CDH18: variants seen among roughly 807,000 people sequenced by gnomAD.
CDH18 encodes the protein cadherin-18.
In CDH18, 31 loss-of-function variants were observed where a neutral mutation model predicts 67.9. That is an observed-to-expected ratio of 0.46 (90% CI 0.34 to 0.62). The LOEUF is 0.62. CDH18 is among the 20% of genes least tolerant of loss of function. The probability of loss-of-function intolerance (pLI) is 0.01; values close to 1 mark genes in which losing one functional copy is unlikely to be tolerated. For missense variants in CDH18, 890 were observed against 975.5 expected, an observed-to-expected ratio of 0.91 and a Z score of 1.17; for synonymous variants, 362 against 347.2, an observed-to-expected ratio of 1.04 and a Z score of -0.48.
At chr5:19,970,395 AAG>A (rs1467816522) in intron 2 of CDH18, among the ~76,000 whole-genome samples, 35 of 151,728 alleles carry the variant, frequency 2.3e-4, no homozygotes, top group African/African-American at 8.2e-4. Context: ...ATTTAGCAAT[AAG>A]AGAGGATATC....
At chr5:20,150,565 C>T (rs2126565670) in intron 2 of CDH18, among the ~76,000 whole-genome samples, 1 of 152,158 alleles carries the variant, frequency 6.6e-6, no homozygotes, top group East Asian at 1.9e-4. Flanking sequence ...TTAGACACGT[C>T]TAGCATAGTT....
At chr5:20,486,279 G>A (rs1229588026) in intron 1 of CDH18, among the ~76,000 whole-genome samples, 1 of 152,066 alleles carries the variant, frequency 6.6e-6, no homozygotes, top group Non-Finnish European at 1.5e-5. Context: ...AAGGAACATG[G>A]TATATTGCAA....
chr5:19,902,935 C>T (rs1790099580), intron 2 of CDH18, among the ~76,000 whole-genome samples: 1 of 152,112 alleles, frequency 6.6e-6, no homozygotes, highest in Non-Finnish European at 1.5e-5. Flanking sequence ...CCATAAGTGA[C>T]ATATAGAGTC....
chr5:19,771,858 G>T (rs1773771430), intron 3 of CDH18, among the ~76,000 whole-genome samples: 1 of 152,050 alleles, frequency 6.6e-6, no homozygotes, highest in Middle Eastern at 3.2e-3. Context: ...CCAATTAACT[G>T]CAATATATTC....
chr5:20,401,994 C>T (rs1016246770), intron 1 of CDH18, among the ~76,000 whole-genome samples: 3 of 152,004 alleles, frequency 2.0e-5, no homozygotes, highest in African/African-American at 7.3e-5. Flanking sequence ...CTTACTTTCC[C>T]ATCTTCATCT....
chr5:19,815,173 G>A (rs1419567485), intron 3 of CDH18, among the ~76,000 whole-genome samples: 2 of 151,902 alleles, frequency 1.3e-5, no homozygotes, highest in African/African-American at 4.8e-5. Flanking sequence ...GTTTGTTGGA[G>A]GACTGTATCT....
intron 3 of CDH18, among the ~76,000 whole-genome samples, chr5:19,803,132 A>G (rs1203627099): frequency 2.0e-5 from 3 of 152,250 alleles, no homozygotes; most frequent in African/African-American, 7.2e-5. Flanking sequence ...CAAATACTCC[A>G]CAAACTCGCA....
intron 2 of CDH18, among the ~76,000 whole-genome samples, chr5:20,134,971 C>T (rs1749576165): frequency 6.6e-6 from 1 of 152,096 alleles, no homozygotes; most frequent in African/African-American, 2.4e-5. Flanking sequence ...TAACTTTTTC[C>T]TTTCACAGGC....
intron 1 of CDH18, among the ~76,000 whole-genome samples, chr5:20,391,187 G>A (rs1263792065): frequency 6.6e-6 from 1 of 151,914 alleles, no homozygotes; most frequent in African/African-American, 2.4e-5. Context: ...CCATAAACAT[G>A]TATATAACAT....
chr5:20,350,386 T>A (rs1042936840), intron 1 of CDH18, among the ~76,000 whole-genome samples: 8 of 152,186 alleles, frequency 5.3e-5, no homozygotes, highest in Admixed American at 2.0e-4. Context: ...TATTTATTTC[T>A]AACCATATTG....
chr5:19,702,148 C>CTT (rs70950086), intron 5 of CDH18, among the ~76,000 whole-genome samples: 2,591 of 114,834 alleles, frequency 0.023, 134 homozygotes, highest in African/African-American at 0.053. Flanking sequence ...CTTTCTCTCT[C>CTT]TTTTTTTTTT....
rs189267185 is a variant in CDH18 at position 19,754,278 on chromosome 5, T to C, written c.229-7042A>G. ...GCCTTCAAGAGACTCACCTAACACA[T>C]AAAGACTCACATAAACTTTAAGTAA... On this transcript the variant is annotated intron_variant, in intron 3 of 12. Transcript: ENST00000382275. Among the ~76,000 whole-genome samples, 242 of 152,016 alleles carry C rather than the reference T, an allele frequency of 1.6e-3. 1 individual carries two copies. Among genetic ancestry groups the C allele is most frequent in the African/African-American group, 5.2e-3 (216 of 41,482 alleles).
chr5:19,544,075 T>C, intron 8 of CDH18, 70 bp from the exon 9 acceptor site: 1 of 688,486 alleles, frequency 1.5e-6, no homozygotes, highest in Non-Finnish European at 2.3e-6. Context: ...AAGGAAAGTA[T>C]TATATCTAAA....
At chr5:19,761,684 T>A (rs953961507) in intron 3 of CDH18, among the ~76,000 whole-genome samples, 3 of 152,114 alleles carry the variant, frequency 2.0e-5, no homozygotes, top group African/African-American at 7.2e-5. Flanking sequence ...ATTTATAGAT[T>A]CAATGCCATC....
chr5:19,592,990 G>A (rs1315380610), intron 6 of CDH18, among the ~76,000 whole-genome samples: 3 of 151,850 alleles, frequency 2.0e-5, no homozygotes, highest in Non-Finnish European at 2.9e-5. Context: ...ATGTTGTTGC[G>A]TATTGCAAGA....
intron 1 of CDH18, among the ~76,000 whole-genome samples, chr5:20,414,275 C>T (rs999641307): frequency 6.8e-6 from 1 of 146,582 alleles, no homozygotes; most frequent in Non-Finnish European, 1.5e-5. Context: ...TTGGAATCAC[C>T]CCAGGTGCTC....
chr5:20,228,521 A>G (rs895950698), intron 2 of CDH18, among the ~76,000 whole-genome samples: 57 of 116,500 alleles, frequency 4.9e-4, no homozygotes, highest in African/African-American at 2.3e-3. Flanking sequence ...AATGCAATAT[A>G]TTGTTATTAA....
intron 4 of CDH18, among the ~76,000 whole-genome samples, chr5:19,722,468 T>TA (rs1766234281): frequency 1.3e-5 from 2 of 150,964 alleles, no homozygotes; most frequent in Non-Finnish European, 2.9e-5. Flanking sequence ...ACATTTAAAA[T>TA]ACTATATTTT....
At chr5:19,563,368 G>A (rs1739790155) in intron 8 of CDH18, among the ~76,000 whole-genome samples, 1 of 152,116 alleles carries the variant, frequency 6.6e-6, no homozygotes, top group Non-Finnish European at 1.5e-5. Flanking sequence ...CAGTTTCAGT[G>A]TTGTGAAACA....
Sources: gnomAD v4.1 joint callset for allele counts (sites outside exome capture counted in the v4.1 genomes callset) on GRCh38, gnomAD v4.1.1 for gene constraint, MANE v1.5 for transcripts, NCBI Gene and HGNC (gene_info 2026-07-23, HGNC 2026-07-21) for gene names.